Variants in CHMP2B observed in about 807,000 individuals in gnomAD.
CHMP2B encodes the protein VPS2 homolog B.
A neutral mutation model predicts 29.8 loss-of-function variants in CHMP2B; 22 were observed. The observed-to-expected ratio is 0.74, with a 90% confidence interval of 0.53 to 1.05. CHMP2B has a LOEUF of 1.05. CHMP2B is among the 50% of genes least tolerant of loss of function. The pLI is 0.00. For missense variants in CHMP2B, 261 were observed against 252.2 expected (o/e 1.03, Z -0.24); for synonymous variants, 78 against 75.8 (o/e 1.03, Z -0.15).
intron 1 of CHMP2B, among the ~76,000 whole-genome samples, chr3:87,236,839 A>G (rs1311283629): frequency 6.6e-6 from 1 of 152,012 alleles, no homozygotes; most frequent in Non-Finnish European, 1.5e-5. Flanking sequence ...GACAAGAGCA[A>G]AACTCCATCT....
At chr3:87,250,125 G>A in intron 4 of CHMP2B, 148 bp downstream of exon 4, 1 of 563,792 alleles carries the variant, frequency 1.8e-6, no homozygotes, top group Non-Finnish European at 3.2e-6. Flanking sequence ...TTTAACTGAG[G>A]GAAGGTATAA....
intron 4 of CHMP2B, among the ~76,000 whole-genome samples, chr3:87,251,599 C>T (rs183117947): frequency 2.5e-4 from 38 of 151,784 alleles, no homozygotes; most frequent in African/African-American, 6.3e-4. Context: ...TTTTTAATAA[C>T]GTAGTAAAAT....
intron 1 of CHMP2B, chr3:87,240,455 C>T: frequency 2.6e-6 from 1 of 380,680 alleles, no homozygotes; most frequent in Non-Finnish European, 5.1e-6. Flanking sequence ...GGATTACAGG[C>T]ATGTGCCACC....
At chr3:87,243,299 T>C (rs925488416) in intron 2 of CHMP2B, among the ~76,000 whole-genome samples, 1 of 152,220 alleles carries the variant, frequency 6.6e-6, no homozygotes. Context: ...TTTTTTTTAA[T>C]GTATTTTCAG....
intron 2 of CHMP2B, 97 bp downstream of exon 2, chr3:87,240,887 G>T (rs761359306): frequency 2.3e-6 from 2 of 862,588 alleles, no homozygotes; most frequent in Non-Finnish European, 4.0e-6. Flanking sequence ...CATGGCAGGT[G>T]GTAAGTGATT....
At chr3:87,244,376 C>G (rs1369542782) in intron 2 of CHMP2B, among the ~76,000 whole-genome samples, 1 of 151,280 alleles carries the variant, frequency 6.6e-6, no homozygotes, top group Non-Finnish European at 1.5e-5. Flanking sequence ...TTTTGTTTAT[C>G]TTATTTCCCT....
intron 1 of CHMP2B, among the ~76,000 whole-genome samples, chr3:87,230,128 C>T (rs1387017178): frequency 2.0e-5 from 3 of 152,034 alleles, no homozygotes; most frequent in Non-Finnish European, 4.4e-5. Flanking sequence ...TAATAGTGAC[C>T]TATTTAGGGA....
Position 87,254,043 on chromosome 3 carries a change from G to T in CHMP2B, c.*221G>T, listed in dbSNP as rs1209662524. The T allele has an allele frequency of 6.6e-6, 3 of 454,076 alleles. No homozygotes were observed. Among genetic ancestry groups the T allele is most frequent in the Non-Finnish European group, 1.2e-5 (3 of 247,408 alleles). The allele number at this position is 454,076 out of a possible 1,614,324, so 28.1% of individuals were successfully genotyped here. A position where few individuals can be genotyped will look rare whatever the true frequency, so the allele number is the denominator to read the frequency against. ...TTTGGATTTTAATTAGAACTGTTTA[G>T]GAGTGATGATGTGTAAAAAGTTGAC... On this transcript the variant is annotated 3_prime_UTR_variant, in exon 6 of 6. Coordinates refer to ENST00000263780, the MANE Select transcript of CHMP2B (RefSeq NM_014043.4).
intron 3 of CHMP2B, among the ~76,000 whole-genome samples, chr3:87,246,908 A>G (rs1344332810): frequency 1.3e-5 from 2 of 152,230 alleles, no homozygotes; most frequent in Admixed American, 6.5e-5. Context: ...GCTAAGCTTT[A>G]TGAACTGCAC....
Position 87,253,393 on chromosome 3 carries a change from A to G in CHMP2B, c.425-11A>G, listed in dbSNP as rs372294128. On this transcript the variant is annotated splice_polypyrimidine_tract_variant and intron_variant, in intron 4 of 5. Transcript: ENST00000263780. ...AAGTAACTGCTTTGCTCCTTCTCCC[A>G]TATCCCCTAGTCAATGATACACTTG... The G allele has an allele frequency of 2.6e-6, 4 of 1,512,876 alleles. No homozygotes were observed. The highest frequency in any genetic ancestry group is 2.3e-5 in the East Asian group (1 of 44,324). 93.7% of individuals were successfully genotyped at this position (1,512,876 alleles called of 1,614,324 possible).
At chr3:87,233,560 C>T (rs529320485) in intron 1 of CHMP2B, among the ~76,000 whole-genome samples, 4 of 152,168 alleles carry the variant, frequency 2.6e-5, no homozygotes, top group South Asian at 2.1e-4. Context: ...GCTGAATTGA[C>T]GCTCACTCTG....
At position 87,255,339 on chromosome 3, in the gene CHMP2B, G is replaced by A. The variant is rs1053363158; in HGVS notation, c.*1517G>A. 2 of 152,266 alleles carry A rather than the reference G, an allele frequency of 1.3e-5. No individual in the cohort carries two copies. Among genetic ancestry groups the A allele is most frequent in the Admixed American group, 6.6e-5 (1 of 15,216 alleles). The allele number at this position is 152,266 out of a possible 1,614,324, so 9.4% of individuals were successfully genotyped here. ...CAGTGATGGGTGAAAACATTTTACC[G>A]GATTATGGAATGTTTACCAGAACAT... is the stretch of plus-strand genomic sequence containing the variant. On this transcript the variant is annotated 3_prime_UTR_variant, in exon 6 of 6. Transcript: ENST00000263780.
At position 87,248,777 on chromosome 3, in the gene CHMP2B, A is replaced by G. The variant is rs772802172; in HGVS notation, c.322-1098A>G. On this transcript the variant is annotated intron_variant, in intron 3 of 5. Transcript: ENST00000263780. ...TTGGGGGTGGGGAGGGATGGGGGGA[A>G]TGCAGTGTCATACTTGGAAAGAATA... is the stretch of plus-strand genomic sequence containing the variant. Among the ~76,000 whole-genome samples the G allele has an allele frequency of 2.6e-5, 4 of 152,068 alleles. No homozygotes were observed. In the East Asian group the frequency reaches 7.7e-4, roughly 29 times the overall value.
intron 1 of CHMP2B, among the ~76,000 whole-genome samples, chr3:87,238,881 G>C (rs1440233557): frequency 6.6e-6 from 1 of 152,136 alleles, no homozygotes; most frequent in Non-Finnish European, 1.5e-5. Context: ...GTTAAGCATA[G>C]TAACCAAACC....
chr3:87,253,113 A>T (rs1706345405), intron 4 of CHMP2B: 1 of 319,462 alleles, frequency 3.1e-6, no homozygotes, highest in African/African-American at 2.2e-5. Flanking sequence ...AATCTTAAAC[A>T]TGTAGCTGTG....
chr3:87,228,155 A>AT (rs1198280562), intron 1 of CHMP2B, among the ~76,000 whole-genome samples: 1 of 152,094 alleles, frequency 6.6e-6, no homozygotes, highest in East Asian at 1.9e-4. Flanking sequence ...CCTTATGATT[A>AT]TTTTTTGCCA....
chr3:87,244,045 T>A (rs548393594), intron 2 of CHMP2B, among the ~76,000 whole-genome samples: 1 of 150,360 alleles, frequency 6.7e-6, no homozygotes, highest in East Asian at 1.9e-4. Context: ...TTGTTTTTTG[T>A]TTTTTGTTGT....
chr3:87,245,723 A>AT lies in CHMP2B; in HGVS notation c.138dup (p.Lys47Ter). ...TTGTTTCTTCTCTTAGGAATTAGAA[A>AT]TTAAGAAAATGGCCAAGATTGGTAA... On this transcript the variant is annotated frameshift_variant, in exon 3 of 6. Transcript: ENST00000263780. LOFTEE classifies it high-confidence loss of function. 1 of 1,613,082 alleles carries AT rather than the reference A, an allele frequency of 6.2e-7. No homozygotes were observed. The highest frequency in any genetic ancestry group is 8.5e-7 in the Non-Finnish European group (1 of 1,179,380).
Position 87,242,143 on chromosome 3 carries a change from G to A in CHMP2B, c.126+1353G>A, listed in dbSNP as rs570970135. 5.9e-5 allele frequency among the ~76,000 whole-genome samples: 9 copies of A among 151,868 alleles called. No individual in the cohort carries two copies. In the South Asian group the frequency reaches 1.5e-3, roughly 25 times the overall value. On this transcript the variant is annotated intron_variant, in intron 2 of 5. Coordinates refer to ENST00000263780, the MANE Select transcript of CHMP2B (RefSeq NM_014043.4). ...ATTTTACCCATTTTTTCATCAAATT[G>A]TTTTCTTACTTAGTTACAATAGATT...
Sources: gnomAD v4.1 joint callset for allele counts (sites outside exome capture counted in the v4.1 genomes callset) on GRCh38, gnomAD v4.1.1 for gene constraint, MANE v1.5 for transcripts, NCBI Gene and HGNC (gene_info 2026-07-23, HGNC 2026-07-21) for gene names.